Variants in TLK2 observed in about 807,000 individuals in gnomAD.
TLK2 encodes serine/threonine-protein kinase tousled-like 2.
TLK2 carries 6 observed loss-of-function variants against 117.3 expected under a neutral mutation model. The ratio of observed to expected loss-of-function variants is 0.05; its 90% CI spans 0.03 to 0.10. TLK2 has a LOEUF of 0.10. Ranked by LOEUF, TLK2 falls within the 10% of genes least tolerant of loss-of-function variation. The probability of loss-of-function intolerance (pLI) is 1.00; values close to 1 mark genes in which losing one functional copy is unlikely to be tolerated. For missense variants in TLK2, 299 were observed against 901.2 expected (o/e 0.33, Z 8.56); for synonymous variants, 257 against 316.7 (o/e 0.81, Z 2.00).
intron 2 of TLK2, among the ~76,000 whole-genome samples, chr17:62,487,697 CA>C (rs2072604145): frequency 1.5e-5 from 2 of 132,794 alleles, no homozygotes; most frequent in Admixed American, 1.8e-4. Context: ...GATCTCGGCT[CA>C]CCGCAACATC....
intron 15 of TLK2, among the ~76,000 whole-genome samples, chr17:62,582,338 T>A (rs2081283729): frequency 6.6e-6 from 1 of 152,160 alleles, no homozygotes; most frequent in South Asian, 2.1e-4. Context: ...CCCTCAGTCT[T>A]CCAAAGTGCT....
At chr17:62,487,460 A>G (rs1473054499) in intron 2 of TLK2, among the ~76,000 whole-genome samples, 1 of 150,192 alleles carries the variant, frequency 6.7e-6, no homozygotes, top group African/African-American at 2.4e-5. Flanking sequence ...CAGAGGTTGC[A>G]GTGAGCTGAG....
chr17:62,581,008 G>GTTTT (rs1383365517), intron 15 of TLK2, among the ~76,000 whole-genome samples: 1 of 151,884 alleles, frequency 6.6e-6, no homozygotes, highest in African/African-American at 2.4e-5. Flanking sequence ...TTAAATTGTG[G>GTTTT]TTTTATTTAT....
At chr17:62,520,232 T>C (rs2075939621) in intron 2 of TLK2, among the ~76,000 whole-genome samples, 1 of 152,082 alleles carries the variant, frequency 6.6e-6, no homozygotes, top group Non-Finnish European at 1.5e-5. Context: ...TCTCAGTGTG[T>C]CATGCCTATG....
chr17:62,552,440 T>G (rs754416438), intron 8 of TLK2, 43 bp downstream of exon 8: 2 of 1,613,928 alleles, frequency 1.2e-6, no homozygotes, highest in South Asian at 1.1e-5. Context: ...ATACCTGCTG[T>G]GTAGGAATAA....
rs545921777 is a variant in TLK2 at position 62,502,541 on chromosome 17, A to G, written c.82-18232A>G. Among the ~76,000 whole-genome samples, 8 of 152,376 alleles carry G rather than the reference A, an allele frequency of 5.3e-5. No individual in the cohort carries two copies. The South Asian group carries it at 1.2e-3, about 24-fold the overall frequency. On this transcript the variant is annotated intron_variant, in intron 2 of 21. Transcript: ENST00000346027. ...AAACATGTTCCAAAGGTCCTAGCCAATGAAATAAGACAAGTAAAAGGAATA... is the reference window on the plus strand; with the variant it reads ...AAACATGTTCCAAAGGTCCTAGCCAGTGAAATAAGACAAGTAAAAGGAATA...
In TLK2 at chr17:62,615,455, A is replaced by T. The variant is rs1027724778; in HGVS notation, c.*2890A>T. ...CAATGGGGTGGGGGAGGGAAGAAGGATATTAAAATAAGTTTTAAGAAGCAA... is the reference window on the plus strand; with the variant it reads ...CAATGGGGTGGGGGAGGGAAGAAGGTTATTAAAATAAGTTTTAAGAAGCAA... On this transcript the variant is annotated 3_prime_UTR_variant, in exon 22 of 22. Coordinates refer to ENST00000346027, the MANE Select transcript of TLK2 (RefSeq NM_006852.6). 6.6e-6 allele frequency: 1 copy of T among 152,246 alleles called. No individual in the cohort carries two copies. The highest frequency in any genetic ancestry group is 2.4e-5 in the African/African-American group (1 of 41,454). 9.4% of individuals were successfully genotyped at this position (152,246 alleles called of 1,614,324 possible). A position where few individuals can be genotyped will look rare whatever the true frequency, so the allele number is the denominator to read the frequency against.
At chr17:62,542,158 T>C (rs557626076) in intron 7 of TLK2, among the ~76,000 whole-genome samples, 2 of 152,288 alleles carry the variant, frequency 1.3e-5, no homozygotes, top group African/African-American at 4.8e-5. Flanking sequence ...CCGCAAGAAA[T>C]TGAGGAGATG....
intron 12 of TLK2, among the ~76,000 whole-genome samples, chr17:62,575,575 A>C (rs1229430111): frequency 6.6e-6 from 1 of 152,226 alleles, no homozygotes; most frequent in Non-Finnish European, 1.5e-5. Context: ...AAAAATATTA[A>C]ATATCTATAT....
chr17:62,496,830 G>A (rs1178934096), intron 2 of TLK2, among the ~76,000 whole-genome samples: 1 of 151,622 alleles, frequency 6.6e-6, no homozygotes, highest in South Asian at 2.1e-4. Context: ...GGTGGCAGGC[G>A]CCTGTAGTCC....
At position 62,573,480 on chromosome 17, in the gene TLK2, T is replaced by G. The variant is rs1446905652; in HGVS notation, c.1121+113T>G. 133 of 1,372,802 alleles carry G rather than the reference T, an allele frequency of 9.7e-5. 1 individual carries two copies. The East Asian group carries it at 3.3e-3, about 34-fold the overall frequency. 85.0% of individuals were successfully genotyped at this position (1,372,802 alleles called of 1,614,324 possible). A position where few individuals can be genotyped will look rare whatever the true frequency, so the allele number is the denominator to read the frequency against. ...CTTGAGGTCACTCAGGTTTAAACCTTCTTTTCAGTTACATTAATGGATTTG... is the reference window on the plus strand; with the variant it reads ...CTTGAGGTCACTCAGGTTTAAACCTGCTTTTCAGTTACATTAATGGATTTG... On this transcript the variant is annotated intron_variant, in intron 12 of 21. Coordinates refer to ENST00000346027, the MANE Select transcript of TLK2 (RefSeq NM_006852.6).
At chr17:62,521,359 A>G (rs1419408879) in intron 3 of TLK2, among the ~76,000 whole-genome samples, 1 of 152,160 alleles carries the variant, frequency 6.6e-6, no homozygotes, top group Non-Finnish European at 1.5e-5. Context: ...GAAATTTGCA[A>G]TATTGTTCCT....
chr17:62,588,769 A>G (rs1275212127), intron 16 of TLK2, among the ~76,000 whole-genome samples: 1 of 152,212 alleles, frequency 6.6e-6, no homozygotes, highest in Non-Finnish European at 1.5e-5. Context: ...AATCATACTC[A>G]TGCATTTCAG....
chr17:62,501,238 A>G (rs984400078), intron 2 of TLK2, among the ~76,000 whole-genome samples: 15 of 152,212 alleles, frequency 9.9e-5, no homozygotes, highest in African/African-American at 3.6e-4. Flanking sequence ...ACTCCGTCTC[A>G]AAAGAAAAAA....
At position 62,529,189 on chromosome 17, in the gene TLK2, T is replaced by A. The variant is rs370958448; in HGVS notation, c.363+4858T>A. The stretch of plus-strand genomic sequence containing the variant: ...TACATTTATATTAAATTTTGTTTTA[T>A]GTATTATGACTCTCTTCATCTCTTT... On this transcript the variant is annotated intron_variant, in intron 6 of 21. Transcript: ENST00000346027. 3.0e-4 allele frequency among the ~76,000 whole-genome samples: 46 copies of A among 152,318 alleles called. 1 individual carries two copies. The highest frequency in any genetic ancestry group is 9.9e-4 in the African/African-American group (41 of 41,580).
rs1389938597 is a variant in TLK2, at chr17:62,517,102, G to A, written c.82-3671G>A. 2.6e-5 allele frequency among the ~76,000 whole-genome samples: 4 copies of A among 151,662 alleles called. No individual in the cohort carries two copies. The East Asian group carries it at 7.9e-4, about 30-fold the overall frequency. On this transcript the variant is annotated intron_variant, in intron 2 of 21. Coordinates refer to ENST00000346027, the MANE Select transcript of TLK2 (RefSeq NM_006852.6). ...TGTATTTTTAGTAGAGGTTGGGTTC[G>A]CCATGTTGGCCAGACTGGTCTCAAA...
rs565815453 is a variant in TLK2, at chr17:62,594,051, C to G, written c.1461-2534C>G. On this transcript the variant is annotated intron_variant, in intron 16 of 21. Transcript: ENST00000346027. ...CAAGTGATCCGCCTGCCTCAGCCTC[C>G]CAAAGTGCTGGGATTACAGCCGTTA... is the stretch of plus-strand genomic sequence containing the variant. 1.3e-3 allele frequency among the ~76,000 whole-genome samples: 197 copies of G among 151,886 alleles called. 1 individual carries two copies. The highest frequency in any genetic ancestry group is 4.6e-3 in the African/African-American group (190 of 41,476).
chr17:62,581,142 A>G (rs1201711487), intron 15 of TLK2, among the ~76,000 whole-genome samples: 3 of 152,006 alleles, frequency 2.0e-5, no homozygotes, highest in Non-Finnish European at 4.4e-5. Context: ...CCTCTTGAGT[A>G]GCTGGGACTA....
At chr17:62,478,394 C>T (rs1180836359), upstream of TLK2, among the ~76,000 whole-genome samples, 1 of 150,704 alleles carries the variant, frequency 6.6e-6, no homozygotes, top group East Asian at 2.0e-4. Context: ...GCGGCCAAGC[C>T]CCTTCAGCGC....
Sources: allele counts gnomAD v4.1 joint callset (sites outside exome capture counted in the v4.1 genomes callset), GRCh38; gene constraint gnomAD v4.1.1; transcripts MANE v1.5; gene names NCBI Gene and HGNC (gene_info 2026-07-23, HGNC 2026-07-21).